Variants in LPAR1 observed in about 807,000 individuals in gnomAD.
LPAR1 encodes the protein LPA receptor 1.
LPAR1 carries 5 observed loss-of-function variants against 23.8 expected under a neutral mutation model. That is an observed-to-expected ratio of 0.21 (90% CI 0.11 to 0.44). The LOEUF is 0.44. Among genes scored for constraint, LPAR1 ranks in the 20% least tolerant of loss-of-function variants. LPAR1 has a pLI of 0.99. For synonymous variants in LPAR1, 160 were observed against 164.7 expected (o/e 0.97, Z 0.22); for missense variants, 311 against 482.8 (o/e 0.64, Z 3.33).
chr9:110,919,939 C>T (rs536831184), intron 5 of LPAR1, among the ~76,000 whole-genome samples: 9 of 152,298 alleles, frequency 5.9e-5, no homozygotes, highest in East Asian at 1.9e-4. Flanking sequence ...CATCTATGTA[C>T]GTAGTTGTTC....
At chr9:111,014,452 T>A (rs535064445) in intron 2 of LPAR1, among the ~76,000 whole-genome samples, 1 of 151,936 alleles carries the variant, frequency 6.6e-6, no homozygotes, top group Admixed American at 6.6e-5. Flanking sequence ...ATCCTTCCCA[T>A]CCTTCTCTCT....
intron 2 of LPAR1, among the ~76,000 whole-genome samples, chr9:111,027,908 A>C (rs1357733168): frequency 6.6e-6 from 1 of 150,602 alleles, no homozygotes; most frequent in African/African-American, 2.4e-5. Context: ...AAAAAAAAAA[A>C]AAAGAAGCAA....
intron 2 of LPAR1, among the ~76,000 whole-genome samples, chr9:111,023,220 A>G (rs561236966): frequency 1.3e-5 from 2 of 152,326 alleles, no homozygotes; most frequent in South Asian, 4.1e-4. Flanking sequence ...AGGAAGGCCT[A>G]CTAAGTATCA....
chr9:110,982,824 A>G (rs1387596275), intron 2 of LPAR1, among the ~76,000 whole-genome samples: 87 of 150,794 alleles, frequency 5.8e-4, no homozygotes, highest in Non-Finnish European at 1.0e-4. Flanking sequence ...TGGGCAAAAG[A>G]CTTGAGTAGA....
At chr9:111,014,751 G>A (rs2097405814) in intron 2 of LPAR1, among the ~76,000 whole-genome samples, 1 of 151,096 alleles carries the variant, frequency 6.6e-6, no homozygotes, top group Non-Finnish European at 1.5e-5. Flanking sequence ...TTCTTTTCTG[G>A]GCTGTGTTCT....
At chr9:110,951,072 A>T (rs574136862) in intron 4 of LPAR1, among the ~76,000 whole-genome samples, 24 of 152,310 alleles carry the variant, frequency 1.6e-4, no homozygotes, top group African/African-American at 5.8e-4. Flanking sequence ...TTATAACTTG[A>T]TATGAGAGAT....
chr9:111,003,463 A>C lies in LPAR1; in HGVS notation c.-181-29905T>G, dbSNP rs144021815. Among the ~76,000 whole-genome samples, 431 of 152,326 alleles carry C rather than the reference A, an allele frequency of 2.8e-3. 1 individual carries two copies. The highest frequency in any genetic ancestry group is 4.8e-3 in the Non-Finnish European group (328 of 68,036). On this transcript the variant is annotated intron_variant, in intron 2 of 5. Coordinates refer to ENST00000683809, the MANE Select transcript of LPAR1 (RefSeq NM_001351411.2). Reference sequence around the variant, plus strand: ...GGACAATGAATGTAATTTGCTTAATAGAGTGAACCACAAATCAAAAGAGAA... The same window carrying C: ...GGACAATGAATGTAATTTGCTTAATCGAGTGAACCACAAATCAAAAGAGAA...
chr9:110,925,368 T>TC (rs2093937369), intron 5 of LPAR1, among the ~76,000 whole-genome samples: 1 of 152,048 alleles, frequency 6.6e-6, no homozygotes, highest in South Asian at 2.1e-4. Context: ...TTATCATTGC[T>TC]CCCATATAGA....
At chr9:110,923,911 A>C (rs1356225821) in intron 5 of LPAR1, among the ~76,000 whole-genome samples, 1 of 152,222 alleles carries the variant, frequency 6.6e-6, no homozygotes, top group African/African-American at 2.4e-5. Flanking sequence ...ACATGGAACA[A>C]AGTACTTCAA....
chr9:110,891,396 A>G (rs2084127307), intron 5 of LPAR1, among the ~76,000 whole-genome samples: 1 of 152,178 alleles, frequency 6.6e-6, no homozygotes, highest in Non-Finnish European at 1.5e-5. Context: ...TAAAATAGGA[A>G]TTCTTTCAAA....
chr9:111,022,378 G>C (rs923993842), intron 2 of LPAR1, among the ~76,000 whole-genome samples: 1 of 152,112 alleles, frequency 6.6e-6, no homozygotes, highest in Admixed American at 6.5e-5. Context: ...TTGAATCATG[G>C]TCTCCCATCT....
intron 5 of LPAR1, among the ~76,000 whole-genome samples, chr9:110,886,420 G>GAAAAAAA (rs5899920): frequency 8.5e-6 from 1 of 117,164 alleles, no homozygotes; most frequent in Non-Finnish European, 1.6e-5. Context: ...ATAACCAAAG[G>GAAAAAAA]AAAAAAAAAA....
intron 5 of LPAR1, among the ~76,000 whole-genome samples, chr9:110,924,588 T>A (rs931010748): frequency 6.6e-6 from 1 of 151,940 alleles, no homozygotes; most frequent in African/African-American, 2.4e-5. Flanking sequence ...TTCTAGCTAC[T>A]CAGGAGGCTG....
chr9:111,005,546 C>CAAAAAAA (rs60143050), intron 2 of LPAR1, among the ~76,000 whole-genome samples: 21 of 70,326 alleles, frequency 3.0e-4, no homozygotes, highest in African/African-American at 9.6e-4. Flanking sequence ...GACCCTGTCT[C>CAAAAAAA]AAAAAAAAAA....
intron 2 of LPAR1, among the ~76,000 whole-genome samples, chr9:110,999,660 A>C (rs1410472195): frequency 3.3e-5 from 5 of 152,280 alleles, no homozygotes; most frequent in Admixed American, 3.3e-4. Context: ...TTCTCAATTT[A>C]GCCTCATAAG....
chr9:110,884,503 T>C (rs888712629), intron 5 of LPAR1, among the ~76,000 whole-genome samples: 14 of 152,224 alleles, frequency 9.2e-5, no homozygotes, highest in East Asian at 5.8e-4. Flanking sequence ...TTTTGGCACA[T>C]AGTAAGTGCT....
intron 5 of LPAR1, among the ~76,000 whole-genome samples, chr9:110,927,498 C>CATT (rs1210834217): frequency 6.6e-6 from 1 of 151,958 alleles, no homozygotes; most frequent in Non-Finnish European, 1.5e-5. Flanking sequence ...AAATGTTAAC[C>CATT]ATTATTATTA....
chr9:111,025,147 C>T (rs2097664673), intron 2 of LPAR1, among the ~76,000 whole-genome samples: 1 of 152,200 alleles, frequency 6.6e-6, no homozygotes, highest in Non-Finnish European at 1.5e-5. Flanking sequence ...AATGGTTGAA[C>T]TAATTTACAC....
At chr9:110,885,134 TC>T (rs1564363096) in intron 5 of LPAR1, among the ~76,000 whole-genome samples, 1 of 152,236 alleles carries the variant, frequency 6.6e-6, no homozygotes, top group Non-Finnish European at 1.5e-5. Flanking sequence ...ACTAATTTAG[TC>T]AATACAGTGT....
Sources: allele counts gnomAD v4.1 joint callset (sites outside exome capture counted in the v4.1 genomes callset), GRCh38; gene constraint gnomAD v4.1.1; transcripts MANE v1.5; gene names NCBI Gene and HGNC (gene_info 2026-07-23, HGNC 2026-07-21).